N4BP2: variants seen among roughly 807,000 people sequenced by gnomAD.
The protein encoded by N4BP2 is NEDD4-binding protein 2.
A neutral mutation model predicts 152.8 loss-of-function variants in N4BP2; 91 were observed. That is an observed-to-expected ratio of 0.60 (90% CI 0.50 to 0.71). The LOEUF is 0.71. Ranked by LOEUF, N4BP2 falls within the 30% of genes least tolerant of loss-of-function variation. The pLI is 0.00. For missense variants in N4BP2, 1,923 were observed against 2,059.1 expected (o/e 0.93, Z 1.28); for synonymous variants, 646 against 705.3 (o/e 0.92, Z 1.33).
At chr4:40,159,752 G>T (rs961380030), downstream of N4BP2, among the ~76,000 whole-genome samples, 2 of 152,102 alleles carry the variant, frequency 1.3e-5, no homozygotes, top group African/African-American at 4.8e-5. Flanking sequence ...ATGGATATTA[G>T]GAGAATGAAT....
chr4:40,121,061 C>T lies in N4BP2; in HGVS notation c.2950C>T (p.Pro984Ser). Residue 984 changes from proline to serine, a missense_variant, in exon 9 of 18, where the codon CCA becomes TCA. Coordinates refer to ENST00000261435, the MANE Select transcript of N4BP2 (RefSeq NM_018177.6). ...GCCTCTTACTTTTACCAATAGTGCA[C>T]CAACTGTTTCTGGAGTAGTAGAACC... ...SLPLTFTNSA[P>S]TVSGVVEPQT... 2 of 1,614,030 alleles carry T rather than the reference C, an allele frequency of 1.2e-6. No individual in the cohort carries two copies. The highest frequency in any genetic ancestry group is 1.7e-6 in the Non-Finnish European group (2 of 1,180,012).
rs767683928 is a variant in N4BP2 at position 40,102,591 on chromosome 4, T to C, written c.746T>C (p.Leu249Ser). ...YPEDSLLSSS[L>S]NVASDSIAGC... ...GAAGATTCTCTTCTCAGTAGTTCTTTAAATGTAGCAAGTGACTCCATCGCA... is the reference window on the plus strand; with the variant it reads ...GAAGATTCTCTTCTCAGTAGTTCTTCAAATGTAGCAAGTGACTCCATCGCA... Residue 249 changes from leucine (L) to serine (S), a missense_variant, in exon 4 of 18, where the codon TTA becomes TCA. Transcript: ENST00000261435. 1.9e-6 allele frequency: 3 copies of C among 1,614,202 alleles called. No individual in the cohort carries two copies. Among genetic ancestry groups the C allele is most frequent in the Admixed American group, 3.3e-5 (2 of 60,034 alleles).
At chr4:40,119,085 T>C (rs183589443) in intron 8 of N4BP2, among the ~76,000 whole-genome samples, 1 of 152,328 alleles carries the variant, frequency 6.6e-6, no homozygotes, top group African/African-American at 2.4e-5. Flanking sequence ...GTCCCAAAGC[T>C]TTGTCATCTC....
rs1437802874 is a variant in N4BP2, at chr4:40,142,834, A to C, written c.4947A>C (p.Lys1649Asn). 6.2e-7 allele frequency: 1 copy of C among 1,613,736 alleles called. No homozygotes were observed. Among genetic ancestry groups the C allele is most frequent in the Admixed American group, 1.7e-5 (1 of 59,820 alleles). The change falls in exon 15 of 18, where the codon AAA becomes AAC. Residue 1649 changes from lysine (K) to asparagine (N), a missense_variant. Physicochemically the swap from Lys to Asn is moderately conservative, Grantham distance 94. Coordinates refer to ENST00000261435, the MANE Select transcript of N4BP2 (RefSeq NM_018177.6). ...KAKEAYRIGK[K>N]NVATFYAQQG... ...AAGAAGCTTATCGGATAGGGAAAAA[A>C]AATGTCGCCACCTTTTATGCCCAGC...
the N4BP2 span, among the ~76,000 whole-genome samples, chr4:40,190,344 A>C: frequency 1.3e-5 from 2 of 152,264 alleles, no homozygotes; most frequent in Non-Finnish European, 2.9e-5. Flanking sequence ...AGATGGCTTC[A>C]GGAGGCACCT....
At chr4:40,123,652 A>T (rs992105238) in intron 10 of N4BP2, among the ~76,000 whole-genome samples, 1 of 144,848 alleles carries the variant, frequency 6.9e-6, no homozygotes, top group African/African-American at 2.5e-5. Context: ...CACCTAGGTA[A>T]TTTTTTTTTT....
chr4:40,097,933 G>A (rs770036287), intron 3 of N4BP2, among the ~76,000 whole-genome samples: 15 of 152,104 alleles, frequency 9.9e-5, no homozygotes, highest in Non-Finnish European at 1.9e-4. Context: ...TCCCTGGCCT[G>A]TACACGCTAG....
At chr4:40,118,500 G>C (rs1717562233) in intron 8 of N4BP2, among the ~76,000 whole-genome samples, 2 of 152,118 alleles carry the variant, frequency 1.3e-5, no homozygotes, top group South Asian at 4.1e-4. Context: ...TCTTACCTAG[G>C]GTGGGATATA....
At chr4:40,178,393 C>T in the N4BP2 span, among the ~76,000 whole-genome samples, 353 of 150,270 alleles carry the variant, frequency 2.3e-3, no homozygotes, top group African/African-American at 8.3e-3. Context: ...GGAAAACCTC[C>T]GGCAAGACTA....
At chr4:40,163,895 A>G in the N4BP2 span, among the ~76,000 whole-genome samples, 2 of 152,168 alleles carry the variant, frequency 1.3e-5, no homozygotes, top group African/African-American at 4.8e-5. Context: ...AATTTGCGAA[A>G]TCTTTCCCGG....
intron 2 of N4BP2, among the ~76,000 whole-genome samples, chr4:40,087,289 G>A (rs1263045014): frequency 6.6e-6 from 1 of 151,566 alleles, no homozygotes; most frequent in Admixed American, 6.6e-5. Flanking sequence ...TTTTTTAAAG[G>A]AGGGGAAGCT....
chr4:40,116,289 A>G (rs1717326133), intron 7 of N4BP2, among the ~76,000 whole-genome samples: 1 of 152,092 alleles, frequency 6.6e-6, no homozygotes, highest in Non-Finnish European at 1.5e-5. Flanking sequence ...GGTTATTCAT[A>G]TAATTGATCT....
At chr4:40,159,436 A>G (rs945231364), downstream of N4BP2, among the ~76,000 whole-genome samples, 2 of 152,232 alleles carry the variant, frequency 1.3e-5, no homozygotes, top group African/African-American at 2.4e-5. Flanking sequence ...TTGGGAATCT[A>G]GGAAAGTTCA....
chr4:40,165,461 CTGGTCT>C, the N4BP2 span, among the ~76,000 whole-genome samples: 2 of 152,106 alleles, frequency 1.3e-5, no homozygotes. Context: ...GTTGGCCAGG[CTGGTCT>C]TGAACTCCTG....
At chr4:40,091,060 A>G (rs114736092) in intron 2 of N4BP2, among the ~76,000 whole-genome samples, 681 of 127,750 alleles carry the variant, frequency 5.3e-3, no homozygotes, top group Middle Eastern at 0.013. Flanking sequence ...TTCAGTGTCC[A>G]TGTGTTTTTT....
intron 3 of N4BP2, among the ~76,000 whole-genome samples, chr4:40,099,341 A>G (rs1715398977): frequency 6.6e-6 from 1 of 152,040 alleles, no homozygotes; most frequent in African/African-American, 2.4e-5. Context: ...CTCCCGAGTT[A>G]AAGTGATTCT....
At chr4:40,180,962 C>A in the N4BP2 span, among the ~76,000 whole-genome samples, 1 of 152,006 alleles carries the variant, frequency 6.6e-6, no homozygotes, top group Non-Finnish European at 1.5e-5. Flanking sequence ...CCAGCCTGAC[C>A]AAGATGGTGA....
intron 2 of N4BP2, among the ~76,000 whole-genome samples, chr4:40,086,774 G>T (rs942692503): frequency 6.6e-6 from 1 of 151,942 alleles, no homozygotes; most frequent in South Asian, 2.1e-4. Context: ...TTGAGACAAG[G>T]TTTTGCTTTG....
chr4:40,143,227 T>C (rs982101625), intron 15 of N4BP2, among the ~76,000 whole-genome samples: 1 of 152,234 alleles, frequency 6.6e-6, no homozygotes, highest in Non-Finnish European at 1.5e-5. Flanking sequence ...ATCACTTTCA[T>C]AGTACAAAAA....
Sources: allele counts gnomAD v4.1 joint callset (sites outside exome capture counted in the v4.1 genomes callset), GRCh38; gene constraint gnomAD v4.1.1; transcripts MANE v1.5; gene names NCBI Gene and HGNC (gene_info 2026-07-23, HGNC 2026-07-21).